The following IL1RAPL1 variants were observed in gnomAD, a reference collection of about 807,000 sequenced individuals.
The protein encoded by IL1RAPL1 is interleukin-1 receptor accessory protein-like 1.
Under a neutral mutation model 48.4 loss-of-function variants are expected in IL1RAPL1, and 3 were observed. The ratio of observed to expected loss-of-function variants is 0.06; its 90% CI spans 0.03 to 0.16. The LOEUF (loss-of-function observed/expected upper bound fraction) is 0.16. Among genes scored for constraint, IL1RAPL1 ranks in the 10% least tolerant of loss-of-function variants. The pLI, the probability that IL1RAPL1 is intolerant of heterozygous loss-of-function variation, is 1.00. For synonymous variants in IL1RAPL1, 185 were observed against 187.7 expected (o/e 0.99, Z 0.12); for missense variants, 349 against 530.6 (o/e 0.66, Z 3.36).
chrX:28,794,827 T>A (rs972109773), intron 2 of IL1RAPL1, among the ~76,000 whole-genome samples: 1 of 112,342 alleles, frequency 8.9e-6, no homozygotes, highest in Non-Finnish European at 1.9e-5. Context: ...GATATTCATT[T>A]AAGTAAAAGA....
intron 5 of IL1RAPL1, among the ~76,000 whole-genome samples, chrX:29,614,902 G>A (rs1382740240): frequency 1.8e-5 from 2 of 110,036 alleles, no homozygotes; most frequent in Non-Finnish European, 3.8e-5. Flanking sequence ...GGAGCTTGCA[G>A]TGAGCGGAGA....
intron 3 of IL1RAPL1, among the ~76,000 whole-genome samples, chrX:29,329,171 TCAAA>T (rs1478051990): frequency 9.0e-6 from 1 of 110,670 alleles, no homozygotes; most frequent in Admixed American, 9.6e-5. Context: ...ATACACACAC[TCAAA>T]CACACACACA....
At chrX:29,208,021 G>T (rs759602497) in intron 2 of IL1RAPL1, among the ~76,000 whole-genome samples, 99 of 111,559 alleles carry the variant, frequency 8.9e-4, no homozygotes, top group Non-Finnish European at 1.6e-3. Flanking sequence ...ACAATTACTT[G>T]CCTCTCAGTG....
chrX:29,440,382 T>C (rs1229347895), intron 5 of IL1RAPL1, among the ~76,000 whole-genome samples: 1 of 111,179 alleles, frequency 9.0e-6, no homozygotes, highest in African/African-American at 3.3e-5. Flanking sequence ...CTGGTTGCAG[T>C]TGAAGTAGTA....
intron 6 of IL1RAPL1, among the ~76,000 whole-genome samples, chrX:29,810,437 C>G (rs758862329): frequency 8.1e-5 from 9 of 111,307 alleles, no homozygotes; most frequent in African/African-American, 2.0e-4. Flanking sequence ...GATCCATCAC[C>G]TCGGCCTCCC....
intron 2 of IL1RAPL1, among the ~76,000 whole-genome samples, chrX:28,865,918 AAAG>A (rs1299894014): frequency 3.6e-5 from 4 of 111,968 alleles, no homozygotes; most frequent in African/African-American, 9.7e-5. Context: ...TTGGCCTTGA[AAAG>A]AAGAGTTTCA....
chrX:29,046,382 C>T, intron 2 of IL1RAPL1, among the ~76,000 whole-genome samples: 1 of 111,228 alleles, frequency 9.0e-6, no homozygotes, highest in Middle Eastern at 4.7e-3. Flanking sequence ...GAGTGATGTA[C>T]TTGTGAAACA....
chrX:28,844,553 T>C (rs1325869734), intron 2 of IL1RAPL1, among the ~76,000 whole-genome samples: 1 of 109,872 alleles, frequency 9.1e-6, no homozygotes, highest in East Asian at 2.9e-4. Context: ...TCCTCATAGG[T>C]CTGGGTTAGC....
At chrX:29,505,169 G>A (rs954749769) in intron 5 of IL1RAPL1, among the ~76,000 whole-genome samples, 1 of 111,701 alleles carries the variant, frequency 9.0e-6, no homozygotes, top group Non-Finnish European at 1.9e-5. Flanking sequence ...GTTTGACTCT[G>A]TTTTCTCAAT....
intron 2 of IL1RAPL1, among the ~76,000 whole-genome samples, chrX:29,104,938 T>A (rs747995822): frequency 9.0e-6 from 1 of 111,419 alleles, no homozygotes; most frequent in African/African-American, 3.3e-5. Context: ...CAGGAAGATA[T>A]GGGGGAGAAG....
intron 1 of IL1RAPL1, among the ~76,000 whole-genome samples, chrX:28,709,986 A>T (rs1417886170): frequency 2.7e-5 from 3 of 112,073 alleles, no homozygotes; most frequent in Non-Finnish European, 3.8e-5. Flanking sequence ...TGAAGTATTT[A>T]AAAAGATGGA....
At chrX:29,760,726 C>T (rs1472825405) in intron 6 of IL1RAPL1, among the ~76,000 whole-genome samples, 1 of 111,526 alleles carries the variant, frequency 9.0e-6, no homozygotes, top group Non-Finnish European at 1.9e-5. Flanking sequence ...GGCAAACTGG[C>T]ACACTAAGTT....
chrX:28,892,637 G>A (rs1316931652), intron 2 of IL1RAPL1, among the ~76,000 whole-genome samples: 2 of 110,291 alleles, frequency 1.8e-5, no homozygotes, highest in Non-Finnish European at 3.8e-5. Context: ...TTGGGGCGGC[G>A]AAAATTTTCG....
intron 1 of IL1RAPL1, among the ~76,000 whole-genome samples, chrX:28,625,734 A>ATG (rs1228352341): frequency 1.1e-5 from 1 of 93,618 alleles, no homozygotes; most frequent in Admixed American, 1.2e-4. Context: ...GCTAATCAAA[A>ATG]TGCGTGTGTG....
intron 5 of IL1RAPL1, among the ~76,000 whole-genome samples, chrX:29,463,313 G>T (rs1449822233): frequency 1.8e-5 from 2 of 111,490 alleles, no homozygotes; most frequent in African/African-American, 6.5e-5. Context: ...GTGAATTGCT[G>T]GTGAATTCCA....
At chrX:29,303,769 A>G (rs1019402980) in intron 3 of IL1RAPL1, among the ~76,000 whole-genome samples, 25 of 111,913 alleles carry the variant, frequency 2.2e-4, no homozygotes, top group African/African-American at 7.8e-4. Context: ...TCAATCAAAG[A>G]CCTTTCATTT....
At chrX:29,393,835 A>AT (rs1331429294) in intron 3 of IL1RAPL1, among the ~76,000 whole-genome samples, 8 of 110,351 alleles carry the variant, frequency 7.2e-5, no homozygotes, top group Non-Finnish European at 1.3e-4. Context: ...AATGTAGATA[A>AT]TTTTTTTCTG....
At chrX:29,112,094 T>TA (rs1396006504) in intron 2 of IL1RAPL1, among the ~76,000 whole-genome samples, 1 of 109,135 alleles carries the variant, frequency 9.2e-6, no homozygotes, top group African/African-American at 3.3e-5. Flanking sequence ...CACGCCCGGC[T>TA]AATTTTTGTA....
intron 1 of IL1RAPL1, among the ~76,000 whole-genome samples, chrX:28,680,808 C>T (rs1935051553): frequency 9.0e-6 from 1 of 111,700 alleles, no homozygotes; most frequent in Admixed American, 9.5e-5. Context: ...ATAAATCCCC[C>T]TTGATCATTG....
Sources: gnomAD v4.1 joint callset for allele counts (sites outside exome capture counted in the v4.1 genomes callset) on GRCh38, gnomAD v4.1.1 for gene constraint, MANE v1.5 for transcripts, NCBI Gene and HGNC (gene_info 2026-07-23, HGNC 2026-07-21) for gene names.